NCOA3: variants seen among roughly 807,000 people sequenced by gnomAD.
NCOA3 encodes nuclear receptor coactivator 3.
NCOA3 carries 51 observed loss-of-function variants against 158.8 expected under a neutral mutation model. The ratio of observed to expected loss-of-function variants is 0.32; its 90% CI spans 0.26 to 0.41. The LOEUF is 0.41. Among genes scored for constraint, NCOA3 ranks in the 10% least tolerant of loss-of-function variants. The probability of loss-of-function intolerance (pLI) is 1.00; values close to 1 mark genes in which losing one functional copy is unlikely to be tolerated. For synonymous variants in NCOA3, 537 were observed against 592.4 expected (o/e 0.91, Z 1.36); for missense variants, 1,510 against 1,746.6 (o/e 0.86, Z 2.41).
In NCOA3 at chr20:47,644,428, C is replaced by T. The variant is rs72645289; in HGVS notation, c.3252+2044C>T. ...TGGGATTACAGGCTGGGATTACAGG[C>T]GTGAGCCACCGCGCCTGGCCCTTCA... is the stretch of plus-strand genomic sequence containing the variant. On this transcript the variant is annotated intron_variant, in intron 17 of 22. Transcript: ENST00000371998. 1.1e-3 allele frequency among the ~76,000 whole-genome samples: 168 copies of T among 152,272 alleles called. 1 individual carries two copies. The highest frequency in any genetic ancestry group is 8.1e-3 in the South Asian group (39 of 4,830).
At chr20:47,651,402 C>A in intron 20 of NCOA3, 126 bp downstream of exon 20, 2 of 1,414,708 alleles carry the variant, frequency 1.4e-6, no homozygotes, top group Non-Finnish European at 9.4e-7. Context: ...CAAGGAAAAC[C>A]AAATTAATTT....
intron 17 of NCOA3, among the ~76,000 whole-genome samples, chr20:47,643,469 G>T (rs574159197): frequency 6.6e-6 from 1 of 152,340 alleles, no homozygotes; most frequent in Non-Finnish European, 1.5e-5. Context: ...TCCAACAGAA[G>T]TATAGAAGTT....
At chr20:47,628,781 A>G (rs2086367654) in intron 8 of NCOA3, 1 of 152,246 alleles carries the variant, frequency 6.6e-6, no homozygotes, top group African/African-American at 2.4e-5. Context: ...GAAATAAAAA[A>G]TTAAAGACAT....
chr20:47,514,659 G>T (rs547136621), intron 1 of NCOA3, among the ~76,000 whole-genome samples: 1 of 150,834 alleles, frequency 6.6e-6, no homozygotes, highest in Non-Finnish European at 1.5e-5. Flanking sequence ...CTCCCAAAGT[G>T]CTGGGATCAC....
At chr20:47,566,870 A>C (rs1172013312) in intron 1 of NCOA3, among the ~76,000 whole-genome samples, 3 of 151,964 alleles carry the variant, frequency 2.0e-5, no homozygotes, top group African/African-American at 4.8e-5. Context: ...TGTAGTCCTG[A>C]GTACTTGGGA....
Position 47,633,565 on chromosome 20 carries a change from G to A in NCOA3, c.893G>A (p.Arg298Gln). 8 of 1,613,680 alleles carry A rather than the reference G, an allele frequency of 5.0e-6. No homozygotes were observed. Among genetic ancestry groups the A allele is most frequent in the African/African-American group, 1.3e-5 (1 of 75,014 alleles). ...SMRPGFEDII[R>Q]RCIQRFFSLN... ...AGGCCTGGCTTTGAAGATATAATCC[G>A]AAGGTGTATTCAGAGATTTTTTAGT... The change falls in exon 9 of 23, where the codon CGA becomes CAA. Residue 298 changes from arginine (R) to glutamine (Q), a missense_variant. Coordinates refer to ENST00000371998, the MANE Select transcript of NCOA3 (RefSeq NM_181659.3).
At chr20:47,621,873 C>T (rs1453981559) in intron 2 of NCOA3, among the ~76,000 whole-genome samples, 1 of 151,904 alleles carries the variant, frequency 6.6e-6, no homozygotes, top group East Asian at 1.9e-4. Flanking sequence ...GACGGGATTT[C>T]ACCATGTTGG....
intron 1 of NCOA3, among the ~76,000 whole-genome samples, chr20:47,520,061 CAAAAAAAAA>C (rs35406814): frequency 8.5e-4 from 28 of 32,888 alleles, no homozygotes; most frequent in Admixed American, 6.5e-3. Context: ...TGTGCCTGGC[CAAAAAAAAA>C]AAAAAAAAAA....
intron 2 of NCOA3, among the ~76,000 whole-genome samples, chr20:47,586,449 T>C (rs1183176643): frequency 6.6e-6 from 1 of 152,196 alleles, no homozygotes; most frequent in Non-Finnish European, 1.5e-5. Context: ...TTTCCCCTAA[T>C]ACTTCTGTTG....
rs2146300892 is a variant in NCOA3, at chr20:47,624,065, C to T, written c.238C>T (p.Arg80Cys). 7 of 1,605,070 alleles carry T rather than the reference C, an allele frequency of 4.4e-6. No homozygotes were observed. The highest frequency in any genetic ancestry group is 4.2e-6 in the Non-Finnish European group (5 of 1,176,826). ...TTTAAAGGAAACAGTAAGACAGATA[C>T]GTCAAATAAAAGAGCAAGGTAATAA... ...AILKETVRQI[R>C]QIKEQGKTIS... is the part of the protein sequence containing the mutation. Residue 80 changes from arginine (R) to cysteine (C), a missense_variant, in exon 4 of 23, where the codon CGT (arginine) becomes TGT (cysteine). Arg to Cys is a radical substitution (Grantham distance 180). This residue lies in a region of NCOA3 where 309 missense variants were observed against 427.1 expected (regional missense o/e 0.72). Coordinates refer to ENST00000371998, the MANE Select transcript of NCOA3 (RefSeq NM_181659.3).
At chr20:47,649,165 C>T in intron 19 of NCOA3, 56 bp downstream of exon 19, 1 of 1,130,826 alleles carries the variant, frequency 8.8e-7, no homozygotes. Flanking sequence ...CAGGGCTTGG[C>T]CTGTGGTTGG....
intron 1 of NCOA3, among the ~76,000 whole-genome samples, chr20:47,573,440 A>T (rs1436252926): frequency 1.3e-5 from 2 of 152,108 alleles, no homozygotes; most frequent in Admixed American, 1.3e-4. Flanking sequence ...CTGATTACAC[A>T]TCACCATAAG....
intron 1 of NCOA3, among the ~76,000 whole-genome samples, chr20:47,512,587 A>AAAC (rs1569311528): frequency 9.0e-5 from 13 of 144,556 alleles, no homozygotes; most frequent in South Asian, 2.2e-4. Flanking sequence ...AAAAAAAAAA[A>AAAC]AACACAAAAG....
At chr20:47,569,929 G>A (rs2085264806) in intron 1 of NCOA3, among the ~76,000 whole-genome samples, 1 of 151,906 alleles carries the variant, frequency 6.6e-6, no homozygotes. Flanking sequence ...AGAATGGCAC[G>A]AACCCGGGAG....
Position 47,522,303 on chromosome 20 carries a change from C to T in NCOA3, c.-99+20284C>T, listed in dbSNP as rs533016357. Among the ~76,000 whole-genome samples the T allele has an allele frequency of 5.9e-5, 9 of 151,596 alleles. No homozygotes were observed. In the South Asian group the frequency reaches 1.9e-3, roughly 32 times the overall value. ...ATTTTTAGTAGAGACGGGGTTTCAC[C>T]ATGTTAGCCAGGATGGTCTCGATCT... On this transcript the variant is annotated intron_variant, in intron 1 of 22. Coordinates refer to ENST00000371998, the MANE Select transcript of NCOA3 (RefSeq NM_181659.3).
intron 19 of NCOA3, among the ~76,000 whole-genome samples, chr20:47,650,286 T>C (rs915662151): frequency 1.4e-5 from 2 of 145,502 alleles, no homozygotes; most frequent in Admixed American, 1.4e-4. Context: ...TGAGAGTCAC[T>C]GTTGCCCAGG....
At chr20:47,575,710 A>AGGCAC (rs2085362962) in intron 1 of NCOA3, among the ~76,000 whole-genome samples, 2 of 152,200 alleles carry the variant, frequency 1.3e-5, no homozygotes, top group Non-Finnish European at 1.5e-5. Context: ...CCTACAGGGT[A>AGGCAC]TTCTAAACGT....
intron 2 of NCOA3, among the ~76,000 whole-genome samples, chr20:47,593,868 T>A (rs1364613889): frequency 2.6e-5 from 4 of 152,170 alleles, no homozygotes; most frequent in Non-Finnish European, 5.9e-5. Flanking sequence ...GGCATAAGAA[T>A]GACATTCTTA....
At chr20:47,608,786 C>T (rs1464791493) in intron 2 of NCOA3, among the ~76,000 whole-genome samples, 1 of 152,092 alleles carries the variant, frequency 6.6e-6, no homozygotes, top group African/African-American at 2.4e-5. Context: ...GGCTTGAAAT[C>T]TAGTGAATTT....
Sources: allele counts gnomAD v4.1 joint callset (sites outside exome capture counted in the v4.1 genomes callset), GRCh38; gene constraint gnomAD v4.1.1; regional missense constraint gnomAD v4.1.1; transcripts MANE v1.5; gene names NCBI Gene and HGNC (gene_info 2026-07-23, HGNC 2026-07-21).